The following BTAF1 variants were observed in gnomAD, a reference collection of about 807,000 sequenced individuals.
BTAF1 encodes TATA-binding protein-associated factor 172.
A neutral mutation model predicts 227.1 loss-of-function variants in BTAF1; 38 were observed. The ratio of observed to expected loss-of-function variants is 0.17; its 90% confidence interval spans 0.13 to 0.22. BTAF1 has a LOEUF of 0.22. BTAF1 is among the 10% of genes least tolerant of loss of function. The pLI, the probability that BTAF1 is intolerant of heterozygous loss-of-function variation, is 1.00. For synonymous variants in BTAF1, 742 were observed against 751.9 expected (o/e 0.99, Z 0.21); for missense variants, 1,598 against 2,204.0 (o/e 0.73, Z 5.51).
At chr10:91,974,628 G>A (rs1847554474) in intron 14 of BTAF1, among the ~76,000 whole-genome samples, 1 of 152,180 alleles carries the variant, frequency 6.6e-6, no homozygotes, top group Non-Finnish European at 1.5e-5. Context: ...AGTGCAGGCA[G>A]ATCACTTGAG....
chr10:92,017,107 C>A (rs530825474), intron 33 of BTAF1, among the ~76,000 whole-genome samples: 44 of 152,288 alleles, frequency 2.9e-4, no homozygotes, highest in African/African-American at 1.1e-3. Context: ...CAGACTCCTT[C>A]CCTTGTAGAG....
At position 91,989,451 on chromosome 10, in the gene BTAF1, A is replaced by T; in HGVS notation, c.2725A>T (p.Thr909Ser). ...CATAGCTAAACTCCTTCAGCAGTGCACAACAAGGACGCCCTGTCCCAATTC... is the reference window on the plus strand; with the variant it reads ...CATAGCTAAACTCCTTCAGCAGTGCTCAACAAGGACGCCCTGTCCCAATTC... ...QCIAKLLQQC[T>S]TRTPCPNSKI... The change falls in exon 20 of 38, where the codon ACA (threonine) becomes TCA (serine). Residue 909 changes from threonine (T) to serine (S), a missense_variant. This residue lies in a region of BTAF1 where 425 missense variants were observed against 491.2 expected (regional missense o/e 0.87). Transcript: ENST00000265990. The T allele has an allele frequency of 6.2e-7, 1 of 1,614,152 alleles. No individual in the cohort carries two copies. Among genetic ancestry groups the T allele is most frequent in the Non-Finnish European group, 8.5e-7 (1 of 1,180,022 alleles).
In BTAF1 at chr10:91,959,083, A is replaced by G; in HGVS notation, c.919A>G (p.Thr307Ala). The G allele has an allele frequency of 6.2e-7, 1 of 1,614,130 alleles. No individual in the cohort carries two copies. Among genetic ancestry groups the G allele is most frequent in the Non-Finnish European group, 8.5e-7 (1 of 1,179,986 alleles). The change falls in exon 9 of 38, where the codon ACT becomes GCT. Residue 307 changes from threonine to alanine, a missense_variant. By Grantham distance (58) the Thr-to-Ala change is moderately conservative (BLOSUM62 0). Transcript: ENST00000265990. ...TTTTCAGGTTCGACATGGTGCAGGCACTGGACTTAGGGAAATTCTTAAAGC... is the reference window on the plus strand; with the variant it reads ...TTTTCAGGTTCGACATGGTGCAGGCGCTGGACTTAGGGAAATTCTTAAAGC... ...PSWEVRHGAG[T>A]GLREILKAHG...
At chr10:92,016,318 T>G in intron 32 of BTAF1, 22 bp from the exon 33 acceptor site, 1 of 1,579,276 alleles carries the variant, frequency 6.3e-7, no homozygotes, top group Non-Finnish European at 8.6e-7. Context: ...TTAAAGCTTC[T>G]CCCACGGGGG....
rs1164531827 is a variant in BTAF1, at chr10:92,031,145, A to AAAT, written c.*2214_*2216dup. Among the ~76,000 whole-genome samples, 2 of 152,150 alleles carry AAAT rather than the reference A, an allele frequency of 1.3e-5. No individual in the cohort carries two copies. Among genetic ancestry groups the AAAT allele is most frequent in the African/African-American group, 4.8e-5 (2 of 41,438 alleles). Reference sequence around the variant, plus strand: ...TTGGTTTTTGTGTCTTTATGATAGGAAATAGCAAACTGTTAAAAATATAGA... The same window carrying AAAT: ...TTGGTTTTTGTGTCTTTATGATAGGAAATAATAGCAAACTGTTAAAAATATAGA... On this transcript the variant is annotated 3_prime_UTR_variant, in exon 38 of 38. Transcript: ENST00000265990.
chr10:92,004,719 C>T (rs1184525654), intron 25 of BTAF1, among the ~76,000 whole-genome samples: 1 of 152,152 alleles, frequency 6.6e-6, no homozygotes, highest in Non-Finnish European at 1.5e-5. Flanking sequence ...AGTCCTCCTG[C>T]CTCAGTCTCC....
chr10:91,983,891 ATT>A (rs71025378), intron 18 of BTAF1, among the ~76,000 whole-genome samples: 4 of 146,220 alleles, frequency 2.7e-5, no homozygotes, highest in Admixed American at 6.8e-5. Flanking sequence ...TTCTTTTCTG[ATT>A]TTTTTTTTTT....
In BTAF1 at chr10:91,940,031, T is replaced by C. The variant is rs767210025; in HGVS notation, c.218T>C (p.Val73Ala). 3 of 1,612,874 alleles carry C rather than the reference T, an allele frequency of 1.9e-6. No individual in the cohort carries two copies. The Admixed American group carries it at 5.0e-5, about 27-fold the overall frequency. The change falls in exon 3 of 38, where the codon GTA becomes GCA. Residue 73 changes from valine to alanine, a missense_variant. Val to Ala is a moderately conservative substitution (Grantham distance 64, BLOSUM62 0). Transcript: ENST00000265990. ...GQAVEAIVKN[V>A]PEWNPVPRTR... ...GCTGTTGAAGCTATAGTGAAAAATG[T>C]ACCTGAGTGGAATCCAGTGCCGAGA...
chr10:92,003,703 A>G (rs564352975), intron 25 of BTAF1, among the ~76,000 whole-genome samples: 129 of 152,344 alleles, frequency 8.5e-4, no homozygotes, highest in African/African-American at 2.8e-3. Flanking sequence ...TAATGCTGCA[A>G]TGAACACAGA....
intron 36 of BTAF1, 95 bp downstream of exon 36, chr10:92,026,846 G>A: frequency 1.5e-6 from 2 of 1,321,020 alleles, no homozygotes; most frequent in Non-Finnish European, 1.0e-6. Context: ...TTGCTCTGGT[G>A]TTAACATACA....
chr10:92,009,132 G>A lies in BTAF1; in HGVS notation c.4027G>A (p.Asp1343Asn). The A allele has an allele frequency of 6.2e-7, 1 of 1,614,082 alleles. No individual in the cohort carries two copies. Among genetic ancestry groups the A allele is most frequent in the Non-Finnish European group, 8.5e-7 (1 of 1,179,994 alleles). The change falls in exon 28 of 38, where the codon GAT (aspartate) becomes AAT (asparagine). Residue 1343 changes from aspartate (D) to asparagine (N), a missense_variant. Coordinates refer to ENST00000265990, the MANE Select transcript of BTAF1 (RefSeq NM_003972.3). ...GCCAACATTAACAGGCCATTGGGTG[G>A]ATGAAGTAGGTAAATTTTGCTCTAG... is the stretch of plus-strand genomic sequence containing the variant. ...CPPTLTGHWV[D>N]EVGKFCSREY...
chr10:91,942,669 T>C (rs953072287), intron 4 of BTAF1, 101 bp downstream of exon 4: 16 of 1,326,562 alleles, frequency 1.2e-5, no homozygotes, highest in Non-Finnish European at 1.7e-5. Context: ...TAACATGTCA[T>C]GAAATGTAAA....
chr10:91,981,987 T>C, intron 16 of BTAF1, 96 bp from the exon 17 acceptor site: 1 of 1,430,146 alleles, frequency 7.0e-7, no homozygotes, highest in Non-Finnish European at 9.3e-7. Flanking sequence ...AGAACTGTAT[T>C]TTACTGGGAT....
At chr10:91,968,956 G>T (rs907507599) in intron 14 of BTAF1, among the ~76,000 whole-genome samples, 2 of 151,452 alleles carry the variant, frequency 1.3e-5, no homozygotes, top group African/African-American at 4.9e-5. Context: ...GAACTCGTGG[G>T]CTCAAGTGAT....
chr10:92,014,489 A>G (rs1850568739), intron 32 of BTAF1, among the ~76,000 whole-genome samples: 1 of 152,178 alleles, frequency 6.6e-6, no homozygotes, highest in African/African-American at 2.4e-5. Context: ...GGCCTTCCAA[A>G]GTGCTGGGAT....
At position 91,966,708 on chromosome 10, in the gene BTAF1, G is replaced by A; in HGVS notation, c.1601G>A (p.Arg534Gln). The A allele has an allele frequency of 2.5e-6, 4 of 1,613,936 alleles. No homozygotes were observed. Among genetic ancestry groups the A allele is most frequent in the East Asian group, 2.2e-5 (1 of 44,868 alleles). ...TTGCATCACACTATATCATCAGTTCGAAGAGCAGCATTGGAAACTCTGTTT... is the reference window on the plus strand; with the variant it reads ...TTGCATCACACTATATCATCAGTTCAAAGAGCAGCATTGGAAACTCTGTTT... ...PFLHHTISSVRRAALETLFTL... is the reference protein window; with the variant it reads ...PFLHHTISSVQRAALETLFTL... The change falls in exon 14 of 38, where the codon CGA (arginine) becomes CAA (glutamine). Residue 534 changes from arginine (R) to glutamine (Q), a missense_variant. This residue lies in a region of BTAF1 where 318 missense variants were observed against 435.0 expected (regional missense o/e 0.73). Transcript: ENST00000265990.
intron 5 of BTAF1, among the ~76,000 whole-genome samples, chr10:91,953,037 G>A (rs535337455): frequency 7.9e-5 from 12 of 152,236 alleles, no homozygotes; most frequent in Admixed American, 1.3e-4. Flanking sequence ...GAGGTTCATC[G>A]TTGCCATAGG....
chr10:91,959,276 T>C, intron 9 of BTAF1, 122 bp downstream of exon 9: 14 of 1,514,270 alleles, frequency 9.2e-6, no homozygotes, highest in Non-Finnish European at 1.1e-5. Context: ...GGAAGAGATA[T>C]GAAAAGGTAA....
intron 2 of BTAF1, among the ~76,000 whole-genome samples, chr10:91,936,446 ATC>A (rs889413837): frequency 4.6e-5 from 7 of 152,070 alleles, no homozygotes; most frequent in Admixed American, 3.9e-4. Context: ...GAGCCTCAGG[ATC>A]TCTCTCTCTT....
Sources: allele counts gnomAD v4.1 joint callset (sites outside exome capture counted in the v4.1 genomes callset), GRCh38; gene constraint gnomAD v4.1.1; regional missense constraint gnomAD v4.1.1; transcripts MANE v1.5; gene names NCBI Gene and HGNC (gene_info 2026-07-23, HGNC 2026-07-21).